MAST4: variants seen among roughly 807,000 people sequenced by gnomAD.
The protein encoded by MAST4 is microtubule associated serine/threonine kinase family member 4, also known as microtubule-associated serine/threonine-protein kinase 4.
In MAST4, 89 loss-of-function variants were observed where a neutral mutation model predicts 162.7. That is an observed-to-expected ratio of 0.55 (90% confidence interval 0.46 to 0.65). MAST4 has a LOEUF of 0.65. MAST4 is among the 30% of genes least tolerant of loss of function. MAST4 has a pLI of 0.00. For missense variants in MAST4, 3,153 were observed against 3,374.0 expected (o/e 0.93, Z 1.62); for synonymous variants, 1,479 against 1,361.1 (o/e 1.09, Z -1.91).
chr5:66,743,231 C>T (rs1752570639), intron 1 of MAST4, among the ~76,000 whole-genome samples: 1 of 152,132 alleles, frequency 6.6e-6, no homozygotes, highest in Admixed American at 6.6e-5. Context: ...CATTGCATTT[C>T]CCATGTCCCC....
chr5:66,739,846 G>GTT lies in MAST4; in HGVS notation c.364-19848_364-19847dup, dbSNP rs35980021. On this transcript the variant is annotated intron_variant, in intron 1 of 28. Coordinates refer to ENST00000403625, the MANE Select transcript of MAST4 (RefSeq NM_001164664.2). ...CAGGATGTTATTTTCCATCACTCTTGTTTTTTTTTTTTTTTTCATCCTGCT... is the reference window on the plus strand; with the variant it reads ...CAGGATGTTATTTTCCATCACTCTTGTTTTTTTTTTTTTTTTTTCATCCTGCT... Among the ~76,000 whole-genome samples the GTT allele has an allele frequency of 6.7e-3, 912 of 135,686 alleles. 10 individuals carry two copies. Among genetic ancestry groups the GTT allele is most frequent in the African/African-American group, 0.02 (726 of 36,054 alleles). 89.0% of individuals were successfully genotyped at this position (135,686 alleles called of 152,430 possible).
intron 9 of MAST4, among the ~76,000 whole-genome samples, chr5:67,103,946 G>C (rs558524820): frequency 1.0e-3 from 154 of 152,304 alleles, no homozygotes; most frequent in African/African-American, 3.4e-3. Flanking sequence ...ACACAGAAAA[G>C]GGAGATTATC....
intron 1 of MAST4, among the ~76,000 whole-genome samples, chr5:66,698,389 C>T (rs977816632): frequency 9.2e-5 from 14 of 152,018 alleles, no homozygotes; most frequent in South Asian, 2.1e-4. Context: ...CTCCTGCCCC[C>T]TCCCTTCTTA....
chr5:67,131,725 G>T (rs1768992811), intron 15 of MAST4, 88 bp from the exon 16 acceptor site: 1 of 1,357,002 alleles, frequency 7.4e-7, no homozygotes. Flanking sequence ...GGGTAGAGAT[G>T]ATTTCACCTT....
intron 1 of MAST4, among the ~76,000 whole-genome samples, chr5:66,732,183 A>C (rs1305117974): frequency 2.0e-5 from 3 of 151,816 alleles, no homozygotes; most frequent in Admixed American, 6.6e-5. Context: ...TTTCCTATTG[A>C]CTTTCAGTTA....
chr5:67,165,050 C>G lies in MAST4; in HGVS notation c.5871C>G (p.Leu1957=). ...SPDLARPRCP[L]PPEASPSREK... is the part of the protein sequence containing the mutation. ...ACCTGGCCAGGCCACGCTGCCCGCTCCCACCTGAAGCTTCCCCCTCAAGGG... is the reference window on the plus strand; with the variant it reads ...ACCTGGCCAGGCCACGCTGCCCGCTGCCACCTGAAGCTTCCCCCTCAAGGG... Residue 1957 remains leucine (L), a synonymous_variant, in exon 29 of 29, where the codon CTC becomes CTG. Transcript: ENST00000403625. 3 of 1,606,146 alleles carry G rather than the reference C, an allele frequency of 1.9e-6. No individual in the cohort carries two copies. Among genetic ancestry groups the G allele is most frequent in the Non-Finnish European group, 2.6e-6 (3 of 1,176,294 alleles).
At chr5:67,136,821 A>T (rs1449172759) in intron 19 of MAST4, among the ~76,000 whole-genome samples, 157 bp downstream of exon 19, 1 of 152,152 alleles carries the variant, frequency 6.6e-6, no homozygotes. Context: ...AATATTTTGG[A>T]TTTTGTTTTC....
chr5:67,146,832 G>A (rs1304496237), intron 23 of MAST4, among the ~76,000 whole-genome samples: 1 of 152,152 alleles, frequency 6.6e-6, no homozygotes, highest in Admixed American at 6.5e-5. Flanking sequence ...CAACCTATTA[G>A]ACTAAGATGC....
intron 1 of MAST4, among the ~76,000 whole-genome samples, chr5:66,692,322 CT>C (rs1349563022): frequency 2.0e-5 from 3 of 152,104 alleles, no homozygotes; most frequent in Non-Finnish European, 4.4e-5. Flanking sequence ...TCTGTATCCC[CT>C]GTCTCCCTAT....
chr5:66,804,467 T>A (rs1462411342), intron 3 of MAST4, among the ~76,000 whole-genome samples: 1 of 152,184 alleles, frequency 6.6e-6, no homozygotes, highest in Admixed American at 6.5e-5. Flanking sequence ...GCAGCACTTA[T>A]CTGTGGTAAG....
intron 2 of MAST4, among the ~76,000 whole-genome samples, chr5:66,783,599 C>T (rs1056919890): frequency 8.5e-5 from 13 of 152,116 alleles, no homozygotes; most frequent in Non-Finnish European, 1.6e-4. Flanking sequence ...TTGTCTTTTG[C>T]GTTAGGCTGT....
chr5:67,104,460 C>G lies in MAST4; in HGVS notation c.1241C>G (p.Thr414Ser). 1.2e-6 allele frequency: 2 copies of G among 1,613,868 alleles called. No homozygotes were observed. Among genetic ancestry groups the G allele is most frequent in the Non-Finnish European group, 1.7e-6 (2 of 1,179,792 alleles). The change falls in exon 10 of 29, where the codon ACT becomes AGT. Residue 414 changes from threonine (T) to serine (S), a missense_variant. Physicochemically the swap from Thr to Ser is moderately conservative, Grantham distance 58. Around this residue, in one of 7 missense-constraint regions of MAST4, gnomAD observed 360 missense variants for 450.0 expected, o/e 0.80. Transcript: ENST00000403625. ...TTAGCAGATGGAGTGCTTAGTTTCA[C>G]TCACCACCAGATTATTGAACTGGCT... ...LPLADGVLSFTHHQIIELARD... is the reference protein window; with the variant it reads ...LPLADGVLSFSHHQIIELARD...
chr5:66,862,065 C>T (rs1458571581), intron 3 of MAST4, among the ~76,000 whole-genome samples: 1 of 152,186 alleles, frequency 6.6e-6, no homozygotes, highest in Non-Finnish European at 1.5e-5. Context: ...CTGTTCATGC[C>T]TGCTAGCACA....
chr5:67,116,043 G>A (rs1766867884), intron 12 of MAST4, among the ~76,000 whole-genome samples: 1 of 152,120 alleles, frequency 6.6e-6, no homozygotes, highest in Non-Finnish European at 1.5e-5. Flanking sequence ...TTTGGTAGGG[G>A]AATAATCTGA....
intron 1 of MAST4, among the ~76,000 whole-genome samples, chr5:66,701,013 T>A (rs1035327153): frequency 6.6e-6 from 1 of 152,084 alleles, no homozygotes; most frequent in Non-Finnish European, 1.5e-5. Flanking sequence ...AAGTGCTATT[T>A]ACATTTCCTA....
intron 3 of MAST4, among the ~76,000 whole-genome samples, chr5:66,811,514 C>G (rs1392303897): frequency 6.6e-6 from 1 of 152,134 alleles, no homozygotes; most frequent in East Asian, 1.9e-4. Flanking sequence ...TGCCACTTTT[C>G]TTTGTTTTTA....
At chr5:66,769,468 G>C (rs961910263) in intron 2 of MAST4, among the ~76,000 whole-genome samples, 1 of 152,150 alleles carries the variant, frequency 6.6e-6, no homozygotes, top group African/African-American at 2.4e-5. Flanking sequence ...ACGGGGATAC[G>C]TTTAGAGAAT....
chr5:67,053,480 T>C (rs1417542676), intron 4 of MAST4, among the ~76,000 whole-genome samples: 9 of 152,132 alleles, frequency 5.9e-5, no homozygotes, highest in Non-Finnish European at 1.2e-4. Flanking sequence ...AGCCTTGTTA[T>C]AGGTGAATTA....
At chr5:67,014,519 A>G (rs1042492190) in intron 4 of MAST4, among the ~76,000 whole-genome samples, 8 of 152,200 alleles carry the variant, frequency 5.3e-5, no homozygotes, top group Non-Finnish European at 1.0e-4. Flanking sequence ...TACGTATTTG[A>G]ACCGTGGAAT....
Sources: allele counts gnomAD v4.1 joint callset (sites outside exome capture counted in the v4.1 genomes callset), GRCh38; gene constraint gnomAD v4.1.1; regional missense constraint gnomAD v4.1.1; transcripts MANE v1.5; gene names NCBI Gene and HGNC (gene_info 2026-07-23, HGNC 2026-07-21).